MOB1B: variants seen among roughly 807,000 people sequenced by gnomAD.
MOB1B encodes the protein MOB kinase activator 1B.
MOB1B carries 19 observed loss-of-function variants against 24.4 expected under a neutral mutation model. That is an observed-to-expected ratio of 0.78 (90% confidence interval 0.54 to 1.14). The LOEUF (loss-of-function observed/expected upper bound fraction) is 1.14. Ranked by LOEUF, MOB1B falls within the 50% of genes most tolerant of loss-of-function variation. The pLI is 0.00. For synonymous variants in MOB1B, 76 were observed against 82.1 expected, an observed-to-expected ratio of 0.93 and a Z score of 0.40; for missense variants, 243 against 259.6, an observed-to-expected ratio of 0.94 and a Z score of 0.44.
intron 1 of MOB1B, among the ~76,000 whole-genome samples, chr4:70,909,008 G>T (rs1382775767): frequency 2.0e-5 from 3 of 150,228 alleles, no homozygotes; most frequent in Non-Finnish European, 4.4e-5. Flanking sequence ...CCGAGATTGT[G>T]CCATTGCACT....
chr4:70,972,027 A>T, intron 3 of MOB1B, among the ~76,000 whole-genome samples: 1 of 142,842 alleles, frequency 7.0e-6, no homozygotes. Flanking sequence ...TTTGGGGAGA[A>T]TCGTGACATT....
chr4:70,945,386 T>C (rs1029683855), intron 1 of MOB1B, among the ~76,000 whole-genome samples: 2 of 152,222 alleles, frequency 1.3e-5, no homozygotes, highest in Non-Finnish European at 2.9e-5. Context: ...TAAACTGTCA[T>C]GGTAAATTCT....
Position 70,958,984 on chromosome 4 carries a change from G to C in MOB1B, c.125G>C (p.Arg42Pro). 6.2e-7 allele frequency: 1 copy of C among 1,614,124 alleles called. No individual in the cohort carries two copies. The change falls in exon 2 of 6, where the codon CGG becomes CCG. Residue 42 changes from arginine to proline, a missense_variant. Transcript: ENST00000309395. ...GCCACACTTGGCAGTGGCAACCTTC[G>C]GATGGCTGTCATGCTTCCTGAAGGG... is the stretch of plus-strand genomic sequence containing the variant. ...AEATLGSGNL[R>P]MAVMLPEGED... is the part of the protein sequence containing the mutation.
At chr4:70,903,429 A>T (rs570051640) in intron 1 of MOB1B, among the ~76,000 whole-genome samples, 19 of 152,304 alleles carry the variant, frequency 1.2e-4, no homozygotes, top group African/African-American at 4.6e-4. Context: ...GGATGGCCAG[A>T]TGTGGATATG....
At chr4:70,910,883 G>A (rs1486034025) in intron 1 of MOB1B, among the ~76,000 whole-genome samples, 2 of 152,026 alleles carry the variant, frequency 1.3e-5, no homozygotes, top group Non-Finnish European at 2.9e-5. Context: ...CCGCCTCCTG[G>A]ATTCAGCGTT....
chr4:70,958,633 T>G, intron 1 of MOB1B: 1 of 571,990 alleles, frequency 1.7e-6, no homozygotes, highest in South Asian at 1.5e-5. Context: ...AGTACTTTTT[T>G]GTTTTTTCAT....
chr4:70,927,074 A>C (rs550539098), intron 1 of MOB1B, among the ~76,000 whole-genome samples: 1 of 152,032 alleles, frequency 6.6e-6, no homozygotes, highest in Non-Finnish European at 1.5e-5. Context: ...AGCGTGTTAC[A>C]TAGATGTGCT....
At chr4:70,928,413 A>G (rs1736740722) in intron 1 of MOB1B, among the ~76,000 whole-genome samples, 1 of 150,896 alleles carries the variant, frequency 6.6e-6, no homozygotes, top group Non-Finnish European at 1.5e-5. Context: ...CTCCTGCTTC[A>G]GCCTCTTGAG....
rs7663882 is a variant in MOB1B at position 70,982,428 on chromosome 4, T to C, written c.*371T>C. On this transcript the variant is annotated 3_prime_UTR_variant, in exon 6 of 6. Coordinates refer to ENST00000309395, the MANE Select transcript of MOB1B (RefSeq NM_173468.4). The stretch of plus-strand genomic sequence containing the variant: ...ATTTATGAAGTCCCCAAAAGAGTTA[T>C]GTTTTTAAGTGCCTTGGCAGGCTCA... 4,351 of 166,188 alleles carry C rather than the reference T, an allele frequency of 0.026. 205 individuals carry two copies. The highest frequency in any genetic ancestry group is 0.096 in the African/African-American group (4,000 of 41,708). The allele number at this position is 166,188 out of a possible 1,614,324, so 10.3% of individuals were successfully genotyped here. A position where few individuals can be genotyped will look rare whatever the true frequency, so the allele number is the denominator to read the frequency against.
At chr4:70,977,047 T>TG (rs1228902659) in intron 4 of MOB1B, among the ~76,000 whole-genome samples, 1 of 152,028 alleles carries the variant, frequency 6.6e-6, no homozygotes, top group Non-Finnish European at 1.5e-5. Flanking sequence ...GAGAGTAAGT[T>TG]GCGTATATGA....
intron 1 of MOB1B, among the ~76,000 whole-genome samples, chr4:70,956,054 ATATTT>A (rs1022759653): frequency 2.0e-5 from 3 of 151,964 alleles, no homozygotes; most frequent in African/African-American, 7.2e-5. Flanking sequence ...TTTTATAATT[ATATTT>A]TAGAGATGCT....
At chr4:70,980,666 C>G (rs964678163) in intron 5 of MOB1B, among the ~76,000 whole-genome samples, 1 of 152,162 alleles carries the variant, frequency 6.6e-6, no homozygotes. Flanking sequence ...TAAGAATATG[C>G]CTACCTAGAT....
At position 70,985,072 on chromosome 4, in the gene MOB1B, C is replaced by T. The variant is rs1048776228; in HGVS notation, c.*3015C>T. 1 of 151,806 alleles carries T rather than the reference C, an allele frequency of 6.6e-6. No homozygotes were observed. The highest frequency in any genetic ancestry group is 2.4e-5 in the African/African-American group (1 of 41,094). 9.4% of individuals were successfully genotyped at this position (151,806 alleles called of 1,614,324 possible). On this transcript the variant is annotated 3_prime_UTR_variant, in exon 6 of 6. Transcript: ENST00000309395. ...TCTTATCAGGATGGATAAAACACTA[C>T]AGTCTCTTATCAGGAAATAGAGATG... is the stretch of plus-strand genomic sequence containing the variant.
intron 3 of MOB1B, among the ~76,000 whole-genome samples, chr4:70,972,132 ATACT>A (rs1161771440): frequency 6.6e-6 from 1 of 151,974 alleles, no homozygotes; most frequent in Admixed American, 6.5e-5. Flanking sequence ...GCATTTGTTA[ATACT>A]TAATAAATGC....
chr4:70,950,836 G>T, intron 1 of MOB1B: 1 of 1,271,740 alleles, frequency 7.9e-7, no homozygotes, highest in South Asian at 1.3e-5. Context: ...GCGGAGCAGA[G>T]AGAACTAATA....
At chr4:70,978,599 A>AT (rs1362542479) in intron 4 of MOB1B, among the ~76,000 whole-genome samples, 2 of 152,088 alleles carry the variant, frequency 1.3e-5, no homozygotes, top group African/African-American at 4.8e-5. Context: ...CTGCTTTTGT[A>AT]TTTCAGTGCT....
intron 2 of MOB1B, among the ~76,000 whole-genome samples, chr4:70,960,790 C>T (rs958960242): frequency 3.3e-5 from 5 of 152,108 alleles, no homozygotes; most frequent in East Asian, 3.8e-4. Context: ...TATATGTGTA[C>T]GTTCTTTTTG....
intron 1 of MOB1B, among the ~76,000 whole-genome samples, chr4:70,925,636 G>A (rs1736618639): frequency 6.6e-6 from 1 of 152,130 alleles, no homozygotes; most frequent in African/African-American, 2.4e-5. Context: ...TTGAAATGCA[G>A]GATTTCGGGT....
At chr4:70,942,393 C>T (rs1404117054) in intron 1 of MOB1B, among the ~76,000 whole-genome samples, 1 of 151,780 alleles carries the variant, frequency 6.6e-6, no homozygotes, top group Non-Finnish European at 1.5e-5. Context: ...AAAGTTATTT[C>T]CTAGTACACT....
Sources: allele counts gnomAD v4.1 joint callset (sites outside exome capture counted in the v4.1 genomes callset), GRCh38; gene constraint gnomAD v4.1.1; transcripts MANE v1.5; gene names NCBI Gene and HGNC (gene_info 2026-07-23, HGNC 2026-07-21).